Variants in PSMB10 observed in about 807,000 individuals in gnomAD.
PSMB10 encodes the protein proteasome subunit beta type-10.
In PSMB10, 29 loss-of-function variants were observed where a neutral mutation model predicts 29.8. That is an observed-to-expected ratio of 0.97 (90% CI 0.73 to 1.33). The LOEUF is 1.33. Ranked by LOEUF, PSMB10 falls within the 40% of genes most tolerant of loss-of-function variation. The probability of loss-of-function intolerance (pLI) is 0.00; values close to 1 mark genes in which losing one functional copy is unlikely to be tolerated. For missense variants in PSMB10, 327 were observed against 369.2 expected, an observed-to-expected ratio of 0.89 and a Z score of 0.94; for synonymous variants, 157 against 164.7, an observed-to-expected ratio of 0.95 and a Z score of 0.36.
In PSMB10 at chr16:67,936,722, C is replaced by T. The variant is rs1366332484; in HGVS notation, c.28G>A (p.Gly10Arg). MLKPALEPR[G>R]GFSFENCQRN... ...TGGCAGTTCTCGAAGGAGAAGCCCC[C>T]TCGGGGCTCCAGGGCTGGCTTCAGC... The change falls in exon 1 of 8, where the codon GGG becomes AGG. Residue 10 changes from glycine (G) to arginine (R), a missense_variant. Coordinates refer to ENST00000358514, the MANE Select transcript of PSMB10 (RefSeq NM_002801.4). 6.4e-7 allele frequency: 1 copy of T among 1,557,112 alleles called. No homozygotes were observed. The highest frequency in any genetic ancestry group is 1.4e-5 in the African/African-American group (1 of 73,454).
chr16:67,935,155 T>A, intron 6 of PSMB10: 2 of 721,668 alleles, frequency 2.8e-6, no homozygotes, highest in Admixed American at 5.9e-5. Flanking sequence ...GACGTTGATA[T>A]AAGTAGGACC....
intron 6 of PSMB10, 136 bp downstream of exon 6, chr16:67,935,284 T>TA (rs2058258489): frequency 1.9e-6 from 2 of 1,066,252 alleles, no homozygotes; most frequent in South Asian, 2.9e-5. Context: ...TCTCTGCCCT[T>TA]ACTCCACTCA....
chr16:67,935,834 G>A, intron 4 of PSMB10, 129 bp downstream of exon 4: 1 of 1,478,288 alleles, frequency 6.8e-7, no homozygotes, highest in Non-Finnish European at 9.1e-7. Flanking sequence ...CTGTAGCCCA[G>A]GTTCTCTTGG....
In PSMB10 at chr16:67,934,911, G is replaced by A. The variant is rs775524615; in HGVS notation, c.596C>T (p.Thr199Ile). The change falls in exon 7 of 8, where the codon ACC becomes ATC. Residue 199 changes from threonine to isoleucine, a missense_variant. By Grantham distance (89) the Thr-to-Ile change is moderately conservative. Coordinates refer to ENST00000358514, the MANE Select transcript of PSMB10 (RefSeq NM_002801.4). The surrounding 1 kb of genome is among the most constrained non-coding windows in gnomAD (Gnocchi z 4.3). ...GCCCAGGTCACCCAAGATCCCGGCGGTGACGGCTTCCACCAGCAGCCCCTG... is the reference window on the plus strand; with the variant it reads ...GCCCAGGTCACCCAAGATCCCGGCGATGACGGCTTCCACCAGCAGCCCCTG... ...AAQGLLVEAVTAGILGDLGSG... is the reference protein window; with the variant it reads ...AAQGLLVEAVIAGILGDLGSG... 22 of 1,613,012 alleles carry A rather than the reference G, an allele frequency of 1.4e-5. No individual in the cohort carries two copies. In the Middle Eastern group the frequency reaches 1.5e-3, roughly 109 times the overall value.
intron 1 of PSMB10, 58 bp from the exon 2 acceptor site, chr16:67,936,543 C>T: frequency 6.6e-7 from 1 of 1,512,802 alleles, no homozygotes; most frequent in South Asian, 1.2e-5. Flanking sequence ...CCTGTTGCTT[C>T]CCCTAACCTG....
At chr16:67,935,301 A>G (rs1416031830) in intron 6 of PSMB10, 119 bp downstream of exon 6, 9 of 1,246,156 alleles carry the variant, frequency 7.2e-6, no homozygotes, top group Non-Finnish European at 1.0e-5. Flanking sequence ...CTCACCCTTC[A>G]GTGGTCACCT....
intron 6 of PSMB10, 129 bp from the exon 7 acceptor site, chr16:67,935,077 T>C: frequency 7.8e-7 from 1 of 1,281,644 alleles, no homozygotes; most frequent in Non-Finnish European, 1.1e-6. Context: ...TTTCTCCCTC[T>C]GAGCCTTAGC....
chr16:67,935,731 G>A (rs771156115), intron 4 of PSMB10, 34 bp from the exon 5 acceptor site: 1 of 1,605,218 alleles, frequency 6.2e-7, no homozygotes, highest in East Asian at 2.2e-5. Flanking sequence ...GCCACAAGCT[G>A]GGGCCTAGGC....
At position 67,934,789 on chromosome 16, in the gene PSMB10, G is replaced by A. The variant is rs2058256321; in HGVS notation, c.710+8C>T. Reference sequence around the variant, plus strand: ...ACATCCCTGTGGTCCCCGATCTCCAGCTCTCACCTCTTCACGGGCTCTGTG... The same window carrying A: ...ACATCCCTGTGGTCCCCGATCTCCAACTCTCACCTCTTCACGGGCTCTGTG... On this transcript the variant is annotated splice_region_variant and intron_variant, in intron 7 of 7. Transcript: ENST00000358514. This position sits in a 1 kb window ranked among gnomAD's most constrained non-coding sequence, Gnocchi z 4.3. 1 of 1,613,288 alleles carries A rather than the reference G, an allele frequency of 6.2e-7. No individual in the cohort carries two copies. Among genetic ancestry groups the A allele is most frequent in the Non-Finnish European group, 8.5e-7 (1 of 1,179,392 alleles).
chr16:67,934,971 C>T lies in PSMB10; in HGVS notation c.559-23G>A, dbSNP rs2058257287. 1 of 1,604,408 alleles carries T rather than the reference C, an allele frequency of 6.2e-7. No individual in the cohort carries two copies. Among genetic ancestry groups the T allele is most frequent in the African/African-American group, 1.3e-5 (1 of 74,808 alleles). On this transcript the variant is annotated intron_variant, in intron 6 of 7. Transcript: ENST00000358514. The surrounding 1 kb of genome is among the most constrained non-coding windows in gnomAD (Gnocchi z 4.3). Reference sequence around the variant, plus strand: ...CAGCTGCGGTGATGGGTGTGTGAGACCTAACGGGCTCTCTCTGCTGTTAAC... The same window carrying T: ...CAGCTGCGGTGATGGGTGTGTGAGATCTAACGGGCTCTCTCTGCTGTTAAC...
At position 67,935,581 on chromosome 16, in the gene PSMB10, C is replaced by T; in HGVS notation, c.499+1G>A. ...CGAGGAGAAGGGACAGAAGCGCTCA[C>T]CCAGGGCTGTGAAGGGCAGACGGCT... On this transcript the variant is annotated splice_donor_variant, in intron 5 of 7. Transcript: ENST00000358514. LOFTEE classifies it high-confidence loss of function. 1 of 1,614,218 alleles carries T rather than the reference C, an allele frequency of 6.2e-7. No homozygotes were observed. The highest frequency in any genetic ancestry group is 8.5e-7 in the Non-Finnish European group (1 of 1,180,016).
Position 67,934,612 on chromosome 16 carries a change from G to A in PSMB10, c.770C>T (p.Pro257Leu), listed in dbSNP as rs2058255455. 6.2e-7 allele frequency: 1 copy of A among 1,614,032 alleles called. No individual in the cohort carries two copies. The highest frequency in any genetic ancestry group is 1.1e-5 in the South Asian group (1 of 91,092). ...TTAVLTQTVK[P>L]LTLELVEETV... is the part of the protein sequence containing the mutation. ...TTCCTCCACTAGCTCCAGGGTTAGT[G>A]GCTTCACTGTCTGGGTCAGGACAGC... Residue 257 changes from proline (P) to leucine (L), a missense_variant, in exon 8 of 8, where the codon CCA (proline) becomes CTA (leucine). Physicochemically the swap from Pro to Leu is moderately conservative, Grantham distance 98. Transcript: ENST00000358514. This position sits in a 1 kb window ranked among gnomAD's most constrained non-coding sequence, Gnocchi z 4.3.
chr16:67,935,118 C>T, intron 6 of PSMB10, 170 bp from the exon 7 acceptor site: 2 of 875,786 alleles, frequency 2.3e-6, no homozygotes, highest in South Asian at 3.4e-5. Context: ...CTGCTTCCAT[C>T]CCACCCCAAA....
Position 67,936,435 on chromosome 16 carries a change from C to T in PSMB10, c.107G>A (p.Arg36His). The T allele has an allele frequency of 6.2e-7, 1 of 1,613,564 alleles. No homozygotes were observed. The highest frequency in any genetic ancestry group is 8.5e-7 in the Non-Finnish European group (1 of 1,179,898). Reference sequence around the variant, plus strand: ...GCCCGCGATGGTGGTCCCGGTCTTGCGTGCGTGAGGGACCTTGAGCCCCGG... The same window carrying T: ...GCCCGCGATGGTGGTCCCGGTCTTGTGTGCGTGAGGGACCTTGAGCCCCGG... The part of the protein sequence containing the change: ...VLPGLKVPHA[R>H]KTGTTIAGLV... The change falls in exon 2 of 8, where the codon CGC becomes CAC. Residue 36 changes from arginine to histidine, a missense_variant. Transcript: ENST00000358514.
At chr16:67,936,372 G>A (rs970569508) in intron 2 of PSMB10, 26 bp downstream of exon 2, 3 of 1,610,974 alleles carry the variant, frequency 1.9e-6, no homozygotes, top group Non-Finnish European at 2.5e-6. Context: ...CTCCCCTCCA[G>A]CTCCCCGTCC....
In PSMB10 at chr16:67,934,779, C is replaced by T. The variant is rs2058256245; in HGVS notation, c.710+18G>A. 3 of 1,612,124 alleles carry T rather than the reference C, an allele frequency of 1.9e-6. No homozygotes were observed. Among genetic ancestry groups the T allele is most frequent in the African/African-American group, 2.7e-5 (2 of 74,908 alleles). ...ATAGCCCCACACATCCCTGTGGTCCCCGATCTCCAGCTCTCACCTCTTCAC... is the reference window on the plus strand; with the variant it reads ...ATAGCCCCACACATCCCTGTGGTCCTCGATCTCCAGCTCTCACCTCTTCAC... On this transcript the variant is annotated intron_variant, in intron 7 of 7. Transcript: ENST00000358514. This position sits in a 1 kb window ranked among gnomAD's most constrained non-coding sequence, Gnocchi z 4.3.
intron 6 of PSMB10, 140 bp downstream of exon 6, chr16:67,935,280 C>T (rs1219773542): frequency 3.9e-6 from 4 of 1,032,780 alleles, no homozygotes; most frequent in Non-Finnish European, 1.4e-6. Context: ...CACTTCTCTG[C>T]CCTTACTCCA....
intron 1 of PSMB10, 61 bp from the exon 2 acceptor site, chr16:67,936,546 C>G: frequency 6.6e-7 from 1 of 1,503,916 alleles, no homozygotes; most frequent in South Asian, 1.2e-5. Context: ...GTTGCTTCCC[C>G]TAACCTGGTC....
At chr16:67,935,112 T>C in intron 6 of PSMB10, 164 bp from the exon 7 acceptor site, 1 of 912,764 alleles carries the variant, frequency 1.1e-6, no homozygotes, top group Non-Finnish European at 1.6e-6. Flanking sequence ...CATCACCTGC[T>C]TCCATCCCAC....
Sources: gnomAD v4.1 joint callset for allele counts on GRCh38, gnomAD v4.1.1 for gene constraint, Gnocchi (gnomAD v3.1) non-coding constraint, MANE v1.5 for transcripts, NCBI Gene and HGNC (gene_info 2026-07-23, HGNC 2026-07-21) for gene names.